Variants in SPSB4 observed in about 807,000 individuals in gnomAD.
SPSB4 encodes splA/ryanodine receptor domain and SOCS box containing 4.
A neutral mutation model predicts 20.9 loss-of-function variants in SPSB4; 21 were observed. That is an observed-to-expected ratio of 1.01 (90% CI 0.71 to 1.45). SPSB4 has a LOEUF of 1.45. Among genes scored for constraint, SPSB4 ranks in the 40% most tolerant of loss-of-function variants. The pLI, the probability that SPSB4 is intolerant of heterozygous loss-of-function variation, is 0.00. For synonymous variants in SPSB4, 207 were observed against 183.8 expected (o/e 1.13, Z -1.02); for missense variants, 399 against 399.2 (o/e 1.00, Z 0.00).
rs559006653 is a variant in SPSB4 at position 141,122,826 on chromosome 3, C to T, written c.695-24316C>T. 7.2e-5 allele frequency among the ~76,000 whole-genome samples: 11 copies of T among 152,314 alleles called. No homozygotes were observed. The South Asian group carries it at 2.1e-3, about 29-fold the overall frequency. On this transcript the variant is annotated intron_variant, in intron 2 of 2. Coordinates refer to ENST00000310546, the MANE Select transcript of SPSB4 (RefSeq NM_080862.3). ...GCGCAGTATTTGGGCAGGAGTGTACCGTTCCTCCAGGTATAGACTGTCACA... is the reference window on the plus strand; with the variant it reads ...GCGCAGTATTTGGGCAGGAGTGTACTGTTCCTCCAGGTATAGACTGTCACA...
Position 141,078,774 on chromosome 3 carries a change from G to A in SPSB4, c.694+11976G>A, listed in dbSNP as rs536596321. On this transcript the variant is annotated intron_variant, in intron 2 of 2. Transcript: ENST00000310546. The stretch of plus-strand genomic sequence containing the variant: ...AGCCAGGCCCTCCGCTGCAGTTCCA[G>A]GAGGTACGGTGCTCTTGTGTGCACC... 3.1e-3 allele frequency among the ~76,000 whole-genome samples: 465 copies of A among 152,346 alleles called. 2 individuals carry two copies. Among genetic ancestry groups the A allele is most frequent in the African/African-American group, 0.011 (449 of 41,578 alleles).
At chr3:141,130,345 T>C (rs1001225359) in intron 2 of SPSB4, among the ~76,000 whole-genome samples, 5 of 152,148 alleles carry the variant, frequency 3.3e-5, no homozygotes, top group Non-Finnish European at 7.4e-5. Flanking sequence ...CTCAGGGGCA[T>C]GAAAGCAATT....
chr3:141,059,374 G>A (rs1390599468), intron 1 of SPSB4, among the ~76,000 whole-genome samples: 1 of 152,056 alleles, frequency 6.6e-6, no homozygotes, highest in African/African-American at 2.4e-5. Context: ...GGTTCTGCAG[G>A]CTTTACAGGA....
chr3:141,090,386 T>A (rs1938427854), intron 2 of SPSB4, among the ~76,000 whole-genome samples: 1 of 152,118 alleles, frequency 6.6e-6, no homozygotes, highest in African/African-American at 2.4e-5. Flanking sequence ...TAGCTAATGA[T>A]AAGTACGGTG....
Position 141,107,357 on chromosome 3 carries a change from G to A in SPSB4, c.695-39785G>A, listed in dbSNP as rs189439000. On this transcript the variant is annotated intron_variant, in intron 2 of 2. Transcript: ENST00000310546. ...TAATGTCGCTTCATTCACTGGAAAG[G>A]TGTGTTCATAGGAATGCAAAAGGCT... 6.8e-4 allele frequency among the ~76,000 whole-genome samples: 103 copies of A among 152,246 alleles called. 1 individual carries two copies. Among genetic ancestry groups the A allele is most frequent in the African/African-American group, 2.4e-3 (101 of 41,510 alleles).
At chr3:141,086,949 GCCTGTGCTAT>G (rs1272238895) in intron 2 of SPSB4, among the ~76,000 whole-genome samples, 1 of 152,196 alleles carries the variant, frequency 6.6e-6, no homozygotes, top group African/African-American at 2.4e-5. Context: ...CTGATCCAGA[GCCTGTGCTAT>G]CCTGCTTGGG....
chr3:141,140,160 C>T (rs1315783720), intron 2 of SPSB4, among the ~76,000 whole-genome samples: 4 of 152,172 alleles, frequency 2.6e-5, no homozygotes, highest in Non-Finnish European at 5.9e-5. Context: ...TCACGTGGTT[C>T]TTGTGCCTTG....
chr3:141,078,393 A>C (rs1423731680), intron 2 of SPSB4, among the ~76,000 whole-genome samples: 1 of 152,160 alleles, frequency 6.6e-6, no homozygotes, highest in Non-Finnish European at 1.5e-5. Context: ...CCTGGCTGGA[A>C]GGAGGGTGTG....
chr3:141,112,739 T>TAACCCTAG (rs1938822760), intron 2 of SPSB4, among the ~76,000 whole-genome samples: 1 of 146,560 alleles, frequency 6.8e-6, no homozygotes, highest in Non-Finnish European at 1.5e-5. Context: ...TGTCCCATCA[T>TAACCCTAG]AACCCTAGAT....
intron 2 of SPSB4, among the ~76,000 whole-genome samples, chr3:141,079,761 TAAGGG>T (rs1938191507): frequency 6.6e-6 from 1 of 152,134 alleles, no homozygotes; most frequent in African/African-American, 2.4e-5. Flanking sequence ...GAGAATATGA[TAAGGG>T]AGGGAGGTCA....
chr3:141,068,721 G>T (rs571373283), intron 2 of SPSB4, among the ~76,000 whole-genome samples: 1 of 152,340 alleles, frequency 6.6e-6, no homozygotes, highest in African/African-American at 2.4e-5. Flanking sequence ...TTGACACCCA[G>T]TGGGAGCTAC....
intron 2 of SPSB4, among the ~76,000 whole-genome samples, chr3:141,135,287 AATTT>A (rs1482707968): frequency 1.3e-5 from 2 of 151,614 alleles, no homozygotes; most frequent in African/African-American, 4.8e-5. Flanking sequence ...AATATACCGT[AATTT>A]ATTTATCTAC....
chr3:141,122,897 T>C (rs12637993), intron 2 of SPSB4, among the ~76,000 whole-genome samples: 55,913 of 152,104 alleles, frequency 0.37, 11,823 homozygotes, highest in African/African-American at 0.57. Context: ...CTTGTGCTTC[T>C]CTGGTGAGGC....
intron 2 of SPSB4, among the ~76,000 whole-genome samples, chr3:141,138,906 C>T (rs184388614): frequency 3.2e-4 from 48 of 152,180 alleles, no homozygotes; most frequent in Admixed American, 9.8e-4. Flanking sequence ...CTTTCTGTCT[C>T]GTTGATCTGT....
At chr3:141,129,598 C>T (rs1279382285) in intron 2 of SPSB4, among the ~76,000 whole-genome samples, 2 of 152,200 alleles carry the variant, frequency 1.3e-5, no homozygotes, top group Admixed American at 6.5e-5. Context: ...CACGCATGCA[C>T]ACATGAGCGA....
At chr3:141,141,335 G>C (rs1047633117) in intron 2 of SPSB4, among the ~76,000 whole-genome samples, 6 of 152,186 alleles carry the variant, frequency 3.9e-5, no homozygotes, top group African/African-American at 9.7e-5. Context: ...TGAACCCACT[G>C]TCCTGTACCC....
At chr3:141,137,844 CT>C (rs1033698647) in intron 2 of SPSB4, among the ~76,000 whole-genome samples, 1 of 152,128 alleles carries the variant, frequency 6.6e-6, no homozygotes, top group African/African-American at 2.4e-5. Flanking sequence ...TGATGCTGGC[CT>C]CATAAAATGA....
At chr3:141,101,622 A>T (rs1938613734) in intron 2 of SPSB4, among the ~76,000 whole-genome samples, 1 of 152,194 alleles carries the variant, frequency 6.6e-6, no homozygotes, top group Non-Finnish European at 1.5e-5. Context: ...AATGGGTATA[A>T]ACTGCCCAGG....
Position 141,146,571 on chromosome 3 carries a change from C to T in SPSB4, c.695-571C>T, listed in dbSNP as rs138389161. Among the ~76,000 whole-genome samples the T allele has an allele frequency of 6.5e-3, 987 of 152,202 alleles. 13 individuals carry two copies. The highest frequency in any genetic ancestry group is 0.023 in the African/African-American group (949 of 41,526). On this transcript the variant is annotated intron_variant, in intron 2 of 2. Coordinates refer to ENST00000310546, the MANE Select transcript of SPSB4 (RefSeq NM_080862.3). ...AAGGGCGATCACGAGGTCAGGAGAT[C>T]GAGACCATCCTGGCTAACACAGTGA...
Sources: gnomAD v4.1 joint callset for allele counts (sites outside exome capture counted in the v4.1 genomes callset) on GRCh38, gnomAD v4.1.1 for gene constraint, MANE v1.5 for transcripts, NCBI Gene and HGNC (gene_info 2026-07-23, HGNC 2026-07-21) for gene names.